CAMK2G: variants seen among roughly 807,000 people sequenced by gnomAD.
CAMK2G encodes calcium/calmodulin dependent protein kinase II gamma.
In CAMK2G, 23 loss-of-function variants were observed where a neutral mutation model predicts 88.7. The ratio of observed to expected loss-of-function variants is 0.26; its 90% CI spans 0.19 to 0.37. CAMK2G has a LOEUF of 0.37. CAMK2G is among the 10% of genes least tolerant of loss of function. The probability of loss-of-function intolerance (pLI) is 1.00; values close to 1 mark genes in which losing one functional copy is unlikely to be tolerated. For synonymous variants in CAMK2G, 263 were observed against 294.8 expected, an observed-to-expected ratio of 0.89 and a Z score of 1.11; for missense variants, 476 against 780.8, an observed-to-expected ratio of 0.61 and a Z score of 4.65.
At chr10:73,865,453 A>C (rs2095551149) in intron 2 of CAMK2G, among the ~76,000 whole-genome samples, 1 of 152,118 alleles carries the variant, frequency 6.6e-6, no homozygotes, top group African/African-American at 2.4e-5. Flanking sequence ...TCCTGCTGCC[A>C]CATACTGCCC....
chr10:73,849,521 G>A (rs1333521260), intron 5 of CAMK2G, among the ~76,000 whole-genome samples, 188 bp from the exon 6 acceptor site: 1 of 152,156 alleles, frequency 6.6e-6, no homozygotes, highest in African/African-American at 2.4e-5. Context: ...AGAGGAAACC[G>A]AGGCCCAGGC....
intron 21 of CAMK2G, chr10:73,816,774 TG>T (rs747047843): frequency 6.8e-7 from 1 of 1,471,452 alleles, no homozygotes. Context: ...TAAGTGAGCT[TG>T]ATTGTGGTGA....
chr10:73,858,182 C>T (rs145773912), intron 3 of CAMK2G, among the ~76,000 whole-genome samples: 1 of 152,350 alleles, frequency 6.6e-6, no homozygotes, highest in East Asian at 1.9e-4. Flanking sequence ...GCCCCTAGCA[C>T]CAAATGCTCC....
intron 15 of CAMK2G, among the ~76,000 whole-genome samples, chr10:73,827,078 G>A (rs954883967): frequency 6.6e-6 from 1 of 152,198 alleles, no homozygotes; most frequent in African/African-American, 2.4e-5. Flanking sequence ...AGAGAGGGCT[G>A]CCCTACCTGT....
At chr10:73,836,240 T>C (rs1339425165) in intron 14 of CAMK2G, among the ~76,000 whole-genome samples, 2 of 152,224 alleles carry the variant, frequency 1.3e-5, no homozygotes, top group Admixed American at 1.3e-4. Context: ...ATGAGCTTCC[T>C]GGACTAAACC....
At chr10:73,852,970 G>C (rs565402091) in intron 4 of CAMK2G, among the ~76,000 whole-genome samples, 1 of 152,232 alleles carries the variant, frequency 6.6e-6, no homozygotes, top group African/African-American at 2.4e-5. Context: ...ACAGAAGTGC[G>C]AGAGGAATGC....
chr10:73,815,210 G>A lies in CAMK2G; in HGVS notation c.1572C>T (p.Ile524=). Reference sequence around the variant, plus strand: ...CAATCACGTGGACGTGTGGGTTTAGGATGGTGGTATGGATAGGCTTGCTGT... The same window carrying A: ...CAATCACGTGGACGTGTGGGTTTAGAATGGTGGTATGGATAGGCTTGCTGT... ...SKNSKPIHTT[I]LNPHVHVIGE... Residue 524 remains isoleucine (I), a synonymous_variant, in exon 22 of 23, where the codon ATC becomes ATT. Transcript: ENST00000423381. 2 of 1,614,268 alleles carry A rather than the reference G, an allele frequency of 1.2e-6. No individual in the cohort carries two copies. Among genetic ancestry groups the A allele is most frequent in the South Asian group, 1.1e-5 (1 of 91,090 alleles).
intron 4 of CAMK2G, 117 bp downstream of exon 4, chr10:73,853,075 G>A (rs2094756349): frequency 1.1e-5 from 10 of 931,600 alleles, no homozygotes; most frequent in East Asian, 4.9e-5. Context: ...CCTTTCCCTC[G>A]GACAAAGGAG....
rs1187600812 is a variant in CAMK2G at position 73,848,211 on chromosome 10, C to G, written c.602-129G>C. The stretch of plus-strand genomic sequence containing the variant: ...TACCAGAGTCAGAAGTGGATGCCAG[C>G]CGATAATGCTATGCTACCAGCCCCT... On this transcript the variant is annotated intron_variant, in intron 8 of 22. Coordinates refer to ENST00000423381, the MANE Select transcript of CAMK2G (RefSeq NM_001367534.1). This position sits in a 1 kb window ranked among gnomAD's most constrained non-coding sequence, Gnocchi z 4.5. 1.5e-6 allele frequency: 1 copy of G among 677,780 alleles called. No homozygotes were observed. Among genetic ancestry groups the G allele is most frequent in the African/African-American group, 1.8e-5 (1 of 56,476 alleles). The allele number at this position is 677,780 out of a possible 1,614,324, so 42.0% of individuals were successfully genotyped here. A position where few individuals can be genotyped will look rare whatever the true frequency, so the allele number is the denominator to read the frequency against.
At chr10:73,852,689 G>A (rs1476650628) in intron 4 of CAMK2G, 1 of 280,674 alleles carries the variant, frequency 3.6e-6, no homozygotes, top group Non-Finnish European at 6.8e-6. Context: ...TACTACTGAA[G>A]TTGAAGAGTA....
At chr10:73,849,222 C>T (rs756921999) in intron 6 of CAMK2G, 39 bp downstream of exon 6, 7 of 1,594,000 alleles carry the variant, frequency 4.4e-6, no homozygotes, top group African/African-American at 1.3e-5. Flanking sequence ...GGCGCCAACA[C>T]TTCATGAGCA....
At position 73,828,217 on chromosome 10, in the gene CAMK2G, T is replaced by A. The variant is rs543533323; in HGVS notation, c.1054-96A>T. The A allele has an allele frequency of 9.9e-6, 10 of 1,012,568 alleles. No individual in the cohort carries two copies. The African/African-American group carries it at 1.6e-4, about 16-fold the overall frequency. 62.7% of individuals were successfully genotyped at this position (1,012,568 alleles called of 1,614,324 possible). On this transcript the variant is annotated intron_variant, in intron 14 of 22. Coordinates refer to ENST00000423381, the MANE Select transcript of CAMK2G (RefSeq NM_001367534.1). ...CAGGTTAGCGCACCAGTGTGGGCTC[T>A]GCATCAGGGAGAAAAGAGCGGAGGG...
rs749871332 is a variant in CAMK2G, at chr10:73,828,136, G to T, written c.1054-15C>A. Reference sequence around the variant, plus strand: ...GACTTCCTTTTCTGGACACACCACAGCAAGAGGGAAAGAGAAGGGGAAAGA... The same window carrying T: ...GACTTCCTTTTCTGGACACACCACATCAAGAGGGAAAGAGAAGGGGAAAGA... On this transcript the variant is annotated splice_polypyrimidine_tract_variant and intron_variant, in intron 14 of 22. Coordinates refer to ENST00000423381, the MANE Select transcript of CAMK2G (RefSeq NM_001367534.1). The T allele has an allele frequency of 6.8e-6, 11 of 1,610,418 alleles. No homozygotes were observed. The East Asian group carries it at 2.2e-4, about 33-fold the overall frequency.
intron 2 of CAMK2G, among the ~76,000 whole-genome samples, chr10:73,871,152 C>T (rs1478098102): frequency 6.6e-6 from 1 of 151,508 alleles, no homozygotes; most frequent in African/African-American, 2.4e-5. Flanking sequence ...ACACAAGAAT[C>T]CTCTTCTTGA....
Position 73,872,980 on chromosome 10 carries a change from A to C in CAMK2G, c.160+9T>G, listed in dbSNP as rs148985253. On this transcript the variant is annotated intron_variant, in intron 2 of 22. Coordinates refer to ENST00000423381, the MANE Select transcript of CAMK2G (RefSeq NM_001367534.1). ...CCCTCAGGAAGAGGTCAAGACAGGG[A>C]ACACTCACCCCGGGCAGACAACTTC... The C allele has an allele frequency of 3.8e-3, 6,015 of 1,585,884 alleles. 200 individuals carry two copies. Among genetic ancestry groups the C allele is most frequent in the Non-Finnish European group, 9.7e-4 (1,121 of 1,153,910 alleles).
intron 3 of CAMK2G, among the ~76,000 whole-genome samples, chr10:73,859,114 T>C (rs548951644): frequency 5.9e-4 from 90 of 152,246 alleles, no homozygotes; most frequent in Non-Finnish European, 1.1e-3. Context: ...AACATCAAAA[T>C]GCTTCTGTGC....
At chr10:73,816,390 G>A in intron 21 of CAMK2G, 1 of 1,033,454 alleles carries the variant, frequency 9.7e-7, no homozygotes, top group African/African-American at 1.7e-5. Flanking sequence ...GTTCTTATGT[G>A]CTGAGATCAT....
chr10:73,858,335 G>A (rs1209512092), intron 3 of CAMK2G, among the ~76,000 whole-genome samples: 1 of 152,182 alleles, frequency 6.6e-6, no homozygotes, highest in African/African-American at 2.4e-5. Context: ...GAGCCAAAAG[G>A]GTCACAGTTC....
intron 19 of CAMK2G, 165 bp from the exon 20 acceptor site, chr10:73,817,719 G>A (rs2086170060): frequency 6.4e-6 from 4 of 620,176 alleles, no homozygotes; most frequent in East Asian, 5.5e-5. Flanking sequence ...CTTCCCTCCC[G>A]TCTCCCTCTC....
Sources: gnomAD v4.1 joint callset for allele counts (sites outside exome capture counted in the v4.1 genomes callset) on GRCh38, gnomAD v4.1.1 for gene constraint, Gnocchi (gnomAD v3.1) non-coding constraint, MANE v1.5 for transcripts, NCBI Gene and HGNC (gene_info 2026-07-23, HGNC 2026-07-21) for gene names.